The following RSAD2 variants were observed in gnomAD, a reference collection of about 807,000 sequenced individuals.
RSAD2 encodes radical S-adenosyl methionine domain containing 2, also known as S-adenosylmethionine-dependent nucleotide dehydratase RSAD2.
In RSAD2, 38 loss-of-function variants were observed where a neutral mutation model predicts 37.7. The observed-to-expected ratio is 1.01, with a 90% CI of 0.78 to 1.32. RSAD2 has a LOEUF of 1.32. Ranked by LOEUF, RSAD2 falls within the 40% of genes most tolerant of loss-of-function variation. The probability of loss-of-function intolerance (pLI) is 0.00; values close to 1 mark genes in which losing one functional copy is unlikely to be tolerated. For synonymous variants in RSAD2, 163 were observed against 157.4 expected (o/e 1.04, Z -0.27); for missense variants, 428 against 437.5 (o/e 0.98, Z 0.19).
rs773247974 is a variant in RSAD2 at position 6,883,516 on chromosome 2, G to A, written c.492G>A (p.Arg164=). 2 of 1,614,050 alleles carry A rather than the reference G, an allele frequency of 1.2e-6. No individual in the cohort carries two copies. The highest frequency in any genetic ancestry group is 2.7e-5 in the African/African-American group (2 of 74,908). Residue 164 remains arginine, a synonymous_variant, in exon 2 of 6, where the codon AGG becomes AGA. Transcript: ENST00000382040. ...IVSNGSLIRE[R]WFQNYGEYLD... is the part of the protein sequence containing the mutation. ...GCAATGGAAGCCTGATCCGGGAGAGGTGGTTCCAGAATTATGGTGTGCTCC... is the reference window on the plus strand; with the variant it reads ...GCAATGGAAGCCTGATCCGGGAGAGATGGTTCCAGAATTATGGTGTGCTCC...
At chr2:6,873,458 T>C (rs1414854365), upstream of RSAD2, among the ~76,000 whole-genome samples, 3 of 152,210 alleles carry the variant, frequency 2.0e-5, no homozygotes, top group African/African-American at 7.2e-5. Context: ...GAGGCAATCA[T>C]ACTAAAGGAG....
chr2:6,876,813 C>A (rs1220501930), upstream of RSAD2: 1 of 152,178 alleles, frequency 6.6e-6, no homozygotes, highest in Non-Finnish European at 1.5e-5. Flanking sequence ...AGCAGTTTTA[C>A]TCTGCACAAA....
At chr2:6,886,718 C>G (rs1258707453) in intron 2 of RSAD2, among the ~76,000 whole-genome samples, 1 of 152,202 alleles carries the variant, frequency 6.6e-6, no homozygotes, top group Non-Finnish European at 1.5e-5. Flanking sequence ...TTCAAATAAT[C>G]AACTAAGTAT....
chr2:6,878,267 T>G lies in RSAD2; in HGVS notation c.346+121T>G. On this transcript the variant is annotated intron_variant, in intron 1 of 5. Coordinates refer to ENST00000382040, the MANE Select transcript of RSAD2 (RefSeq NM_080657.5). ...TTCTCCAAAGCTTGAGGTCACCATT[T>G]ACCCTTGCATGGTGAGCATGTTGTC... 7 of 762,546 alleles carry G rather than the reference T, an allele frequency of 9.2e-6. No homozygotes were observed. The South Asian group carries it at 1.3e-4, about 14-fold the overall frequency. The allele number at this position is 762,546 out of a possible 1,614,324, so 47.2% of individuals were successfully genotyped here.
chr2:6,873,229 T>G (rs1663230277), upstream of RSAD2, among the ~76,000 whole-genome samples: 1 of 152,226 alleles, frequency 6.6e-6, no homozygotes, highest in East Asian at 1.9e-4. Flanking sequence ...TTGGCTTTTC[T>G]TGATGTGTCT....
intron 1 of RSAD2, among the ~76,000 whole-genome samples, chr2:6,869,710 G>C (rs1488597067): frequency 2.0e-5 from 3 of 152,284 alleles, no homozygotes; most frequent in South Asian, 4.2e-4. Flanking sequence ...TAATATCATT[G>C]GTCATAAGGG....
intron 5 of RSAD2, among the ~76,000 whole-genome samples, chr2:6,895,391 T>G (rs1663753184): frequency 6.6e-6 from 1 of 152,210 alleles, no homozygotes; most frequent in African/African-American, 2.4e-5. Context: ...CCCCAGTACA[T>G]CATGCTATAT....
At chr2:6,893,162 G>T (rs1017259783) in intron 4 of RSAD2, among the ~76,000 whole-genome samples, 2 of 152,140 alleles carry the variant, frequency 1.3e-5, no homozygotes, top group African/African-American at 4.8e-5. Context: ...CATCAACAGT[G>T]CAGGTACAGC....
At chr2:6,884,466 C>T (rs1400369859) in intron 2 of RSAD2, among the ~76,000 whole-genome samples, 1 of 152,076 alleles carries the variant, frequency 6.6e-6, no homozygotes, top group Non-Finnish European at 1.5e-5. Flanking sequence ...ACTTTGGGAA[C>T]CATACTCAGA....
chr2:6,886,846 A>G, intron 2 of RSAD2, 89 bp from the exon 3 acceptor site: 1 of 905,786 alleles, frequency 1.1e-6, no homozygotes, highest in South Asian at 1.8e-5. Context: ...AAAAATTTAA[A>G]CAAGATATAT....
chr2:6,894,129 A>G (rs1205260503), intron 5 of RSAD2, among the ~76,000 whole-genome samples: 3 of 152,224 alleles, frequency 2.0e-5, no homozygotes, highest in African/African-American at 7.2e-5. Context: ...AACCAGGCAC[A>G]GCCAGCTTGT....
chr2:6,880,581 G>T (rs763121261), intron 1 of RSAD2, among the ~76,000 whole-genome samples: 4 of 152,110 alleles, frequency 2.6e-5, no homozygotes, highest in Non-Finnish European at 5.9e-5. Flanking sequence ...GTGAAGTTTG[G>T]CAGTTACCTA....
At chr2:6,870,726 G>A (rs1389558512) in intron 1 of RSAD2, among the ~76,000 whole-genome samples, 1 of 152,098 alleles carries the variant, frequency 6.6e-6, no homozygotes, top group East Asian at 1.9e-4. Flanking sequence ...TTTCCCTGTT[G>A]GCCCAGGGTT....
intron 1 of RSAD2, 76 bp from the exon 2 acceptor site, chr2:6,883,295 A>C: frequency 6.7e-7 from 1 of 1,484,804 alleles, no homozygotes; most frequent in East Asian, 2.3e-5. Flanking sequence ...TTTTACATTG[A>C]GAAAATACTA....
chr2:6,890,353 T>C (rs1252628405), intron 4 of RSAD2, 28 bp downstream of exon 4: 1 of 1,611,218 alleles, frequency 6.2e-7, no homozygotes. Flanking sequence ...TTGTTTTCTT[T>C]GTCATCATAC....
Position 6,883,465 on chromosome 2 carries a change from G to GAGCAT in RSAD2, c.441_442insAGCAT (p.Arg148SerfsTer7), listed in dbSNP as rs1425388933. ...TGGTGAGGTTCTGCAAAGTAGAGTT[G>GAGCAT]CGGCTGCCCAGCGTGAGCATCGTGA... On this transcript the variant is annotated frameshift_variant, in exon 2 of 6. Coordinates refer to ENST00000382040, the MANE Select transcript of RSAD2 (RefSeq NM_080657.5). LOFTEE classifies it high-confidence loss of function. The GAGCAT allele has an allele frequency of 6.2e-7, 1 of 1,614,178 alleles. No individual in the cohort carries two copies. Among genetic ancestry groups the GAGCAT allele is most frequent in the Non-Finnish European group, 8.5e-7 (1 of 1,180,026 alleles).
At chr2:6,869,358 GCA>G in intron 1 of RSAD2, among the ~76,000 whole-genome samples, 1 of 149,754 alleles carries the variant, frequency 6.7e-6, no homozygotes, top group Admixed American at 6.7e-5. Flanking sequence ...ATCCACACAT[GCA>G]CACACACACA....
upstream of RSAD2, among the ~76,000 whole-genome samples, chr2:6,875,950 C>A (rs753339793): frequency 2.0e-5 from 3 of 152,130 alleles, no homozygotes; most frequent in Non-Finnish European, 4.4e-5. Flanking sequence ...CTGAACTGTT[C>A]GCAGGATTGC....
intron 1 of RSAD2, chr2:6,866,606 C>T: frequency 4.0e-6 from 1 of 250,548 alleles, no homozygotes; most frequent in Non-Finnish European, 6.3e-6. Flanking sequence ...CCAGCATCAG[C>T]ACTGTTGCTG....
Sources: gnomAD v4.1 joint callset for allele counts (sites outside exome capture counted in the v4.1 genomes callset) on GRCh38, gnomAD v4.1.1 for gene constraint, MANE v1.5 for transcripts, NCBI Gene and HGNC (gene_info 2026-07-23, HGNC 2026-07-21) for gene names.